PTPN21: variants seen among roughly 807,000 people sequenced by gnomAD.
PTPN21 encodes the protein tyrosine-protein phosphatase non-receptor type 21.
A neutral mutation model predicts 131.8 loss-of-function variants in PTPN21; 77 were observed. The ratio of observed to expected loss-of-function variants is 0.58; its 90% CI spans 0.49 to 0.71. The LOEUF (loss-of-function observed/expected upper bound fraction) is 0.71. Ranked by LOEUF, PTPN21 falls within the 30% of genes least tolerant of loss-of-function variation. The probability of loss-of-function intolerance (pLI) is 0.00; values close to 1 mark genes in which losing one functional copy is unlikely to be tolerated. For synonymous variants in PTPN21, 715 were observed against 621.3 expected (o/e 1.15, Z -2.24); for missense variants, 1,552 against 1,527.1 (o/e 1.02, Z -0.27).
intron 13 of PTPN21, among the ~76,000 whole-genome samples, chr14:88,475,597 ACGTG>A (rs1229388957): frequency 1.3e-5 from 2 of 152,236 alleles, no homozygotes; most frequent in African/African-American, 4.8e-5. Flanking sequence ...AATGATTCTA[ACGTG>A]CAGAAAACAG....
chr14:88,518,226 CAAAAAAA>C (rs1172099704), intron 2 of PTPN21, among the ~76,000 whole-genome samples: 27 of 11,066 alleles, frequency 2.4e-3, no homozygotes, highest in African/African-American at 5.7e-3. Flanking sequence ...GAATCTACCT[CAAAAAAA>C]AAAAAAAAAA....
chr14:88,506,263 A>G (rs976842180), intron 4 of PTPN21, among the ~76,000 whole-genome samples: 1 of 152,136 alleles, frequency 6.6e-6, no homozygotes, highest in Non-Finnish European at 1.5e-5. Context: ...TCACTTGAGC[A>G]CAGTAGGTTG....
intron 2 of PTPN21, among the ~76,000 whole-genome samples, chr14:88,523,361 T>C (rs1261779198): frequency 2.0e-5 from 3 of 152,058 alleles, no homozygotes; most frequent in Non-Finnish European, 4.4e-5. Flanking sequence ...TCTCAATTGA[T>C]GCAGGAAAAG....
Position 88,479,670 on chromosome 14 carries a change from G to A in PTPN21, c.1761C>T (p.Ile587=). ...STPDLSRHLY[I]SSSNPDLITR... Reference sequence around the variant, plus strand: ...TGATGAGGTCGGGGTTGCTGCTGCTGATGTAAAGGTGGCGGGACAGGTCTG... The same window carrying A: ...TGATGAGGTCGGGGTTGCTGCTGCTAATGTAAAGGTGGCGGGACAGGTCTG... The change falls in exon 13 of 19, where the codon ATC becomes ATT. Residue 587 remains isoleucine (I), a synonymous_variant. Transcript: ENST00000556564. 2.3e-6 allele frequency: 3 copies of A among 1,290,292 alleles called. No individual in the cohort carries two copies. The highest frequency in any genetic ancestry group is 3.0e-6 in the Non-Finnish European group (3 of 992,722). The allele number at this position is 1,290,292 out of a possible 1,614,324, so 79.9% of individuals were successfully genotyped here.
intron 13 of PTPN21, among the ~76,000 whole-genome samples, chr14:88,475,711 A>G (rs1456539949): frequency 1.3e-5 from 2 of 152,214 alleles, no homozygotes; most frequent in Non-Finnish European, 2.9e-5. Context: ...AGCCAATTTC[A>G]AACTGTTAAT....
At position 88,479,847 on chromosome 14, in the gene PTPN21, G is replaced by T. The variant is rs753685067; in HGVS notation, c.1584C>A (p.Ala528=). 10 of 1,558,170 alleles carry T rather than the reference G, an allele frequency of 6.4e-6. No individual in the cohort carries two copies. Among genetic ancestry groups the T allele is most frequent in the Non-Finnish European group, 8.6e-6 (10 of 1,156,836 alleles). Reference sequence around the variant, plus strand: ...CCGCGCCCACCACGGGCCGCCGCTCGGCAGGGTAGGGGTAGGGAGACGGGC... The same window carrying T: ...CCGCGCCCACCACGGGCCGCCGCTCTGCAGGGTAGGGGTAGGGAGACGGGC... ...FHSPSPYPYP[A]ERRPVVGAVS... is the part of the protein sequence containing the mutation. Residue 528 remains alanine, a synonymous_variant, in exon 13 of 19, where the codon GCC becomes GCA. Coordinates refer to ENST00000556564, the MANE Select transcript of PTPN21 (RefSeq NM_007039.4).
intron 18 of PTPN21, 31 bp downstream of exon 18, chr14:88,468,885 A>G (rs773997804): frequency 6.2e-7 from 1 of 1,613,220 alleles, no homozygotes; most frequent in African/African-American, 1.3e-5. Flanking sequence ...ATTTCCACCC[A>G]AAAAGGCCAG....
At chr14:88,512,499 T>C (rs2078200769) in intron 3 of PTPN21, 1 of 152,238 alleles carries the variant, frequency 6.6e-6, no homozygotes, top group Admixed American at 6.5e-5. Flanking sequence ...CCATTTGTCA[T>C]GTAGAATTTC....
intron 10 of PTPN21, among the ~76,000 whole-genome samples, chr14:88,491,773 G>C (rs1476259114): frequency 6.6e-6 from 1 of 152,078 alleles, no homozygotes; most frequent in Admixed American, 6.6e-5. Flanking sequence ...CAATCTATTG[G>C]ATATATAGAG....
At chr14:88,484,071 T>C (rs2077694479) in intron 12 of PTPN21, among the ~76,000 whole-genome samples, 1 of 150,844 alleles carries the variant, frequency 6.6e-6, no homozygotes, top group African/African-American at 2.4e-5. Context: ...TGAGATAGTC[T>C]CCCTCTGTCA....
intron 10 of PTPN21, among the ~76,000 whole-genome samples, chr14:88,490,583 C>G (rs2077808664): frequency 6.6e-6 from 1 of 152,074 alleles, no homozygotes; most frequent in South Asian, 2.1e-4. Flanking sequence ...TCCAGACTTC[C>G]TATAGTCTCT....
intron 1 of PTPN21, chr14:88,552,332 A>G (rs1566859014): frequency 6.6e-6 from 1 of 152,220 alleles, no homozygotes; most frequent in Non-Finnish European, 1.5e-5. Context: ...TGCCAAACTT[A>G]ACATTTTGAA....
chr14:88,511,524 T>C, intron 3 of PTPN21, among the ~76,000 whole-genome samples: 1 of 151,964 alleles, frequency 6.6e-6, no homozygotes, highest in Admixed American at 6.6e-5. Flanking sequence ...ATACAAAAAT[T>C]AGCCGGGCAT....
At chr14:88,523,160 C>G (rs370642386) in intron 2 of PTPN21, among the ~76,000 whole-genome samples, 1 of 151,974 alleles carries the variant, frequency 6.6e-6, no homozygotes, top group East Asian at 1.9e-4. Context: ...AACTATAGAC[C>G]GACATCCCTT....
At chr14:88,496,304 AG>A in intron 10 of PTPN21, 108 bp downstream of exon 10, 2 of 1,000,500 alleles carry the variant, frequency 2.0e-6, no homozygotes, top group Non-Finnish European at 3.0e-6. Flanking sequence ...TATAGGATCA[AG>A]AAAAGATGTC....
rs1373497682 is a variant in PTPN21 at position 88,500,789 on chromosome 14, A to C, written c.758T>G (p.Val253Gly). The C allele has an allele frequency of 1.9e-6, 3 of 1,608,556 alleles. No individual in the cohort carries two copies. The highest frequency in any genetic ancestry group is 2.6e-6 in the Non-Finnish European group (3 of 1,174,988). ...AAAGAGGTAAGAAAAATACCTAAAT[A>C]CCACAGGATGCCTTCCATTCTTGTG... The part of the protein sequence containing the change: ...VKHKNGRHPV[V>G]FRWHDIANMS... The change falls in exon 8 of 19, where the codon GTA becomes GGA. Residue 253 changes from valine (V) to glycine (G), a missense_variant. Coordinates refer to ENST00000556564, the MANE Select transcript of PTPN21 (RefSeq NM_007039.4).
chr14:88,483,274 GGGA>G (rs1429481204), intron 12 of PTPN21, among the ~76,000 whole-genome samples: 2 of 151,668 alleles, frequency 1.3e-5, no homozygotes, highest in Non-Finnish European at 2.9e-5. Flanking sequence ...ATTACTTAAA[GGGA>G]GGAGAATGAA....
At chr14:88,530,645 T>C (rs2078543751) in intron 2 of PTPN21, among the ~76,000 whole-genome samples, 2 of 152,082 alleles carry the variant, frequency 1.3e-5, no homozygotes, top group East Asian at 1.9e-4. Flanking sequence ...TATTCTTATA[T>C]TGGGCGAATC....
At chr14:88,518,247 A>T (rs1322566192) in intron 2 of PTPN21, among the ~76,000 whole-genome samples, 140 of 77,848 alleles carry the variant, frequency 1.8e-3, no homozygotes, top group African/African-American at 8.6e-3. Context: ...AAAAAAAAAA[A>T]AAAAAAAAAT....
Sources: allele counts gnomAD v4.1 joint callset (sites outside exome capture counted in the v4.1 genomes callset), GRCh38; gene constraint gnomAD v4.1.1; transcripts MANE v1.5; gene names NCBI Gene and HGNC (gene_info 2026-07-23, HGNC 2026-07-21).